Variants in TRPS1 observed in about 807,000 individuals in gnomAD.
TRPS1 encodes the protein transcriptional repressor GATA binding 1, also known as zinc finger transcription factor Trps1.
In TRPS1, 6 loss-of-function variants were observed where a neutral mutation model predicts 101.2. The ratio of observed to expected loss-of-function variants is 0.06; its 90% confidence interval spans 0.03 to 0.12. The LOEUF (loss-of-function observed/expected upper bound fraction) is 0.12, where lower values mean the gene tolerates loss of function less well. Among genes scored for constraint, TRPS1 ranks in the 10% least tolerant of loss-of-function variants. The pLI is 1.00. For missense variants in TRPS1, 1,363 were observed against 1,567.0 expected, an observed-to-expected ratio of 0.87 and a Z score of 2.20; for synonymous variants, 578 against 589.8, an observed-to-expected ratio of 0.98 and a Z score of 0.29.
intron 1 of TRPS1, among the ~76,000 whole-genome samples, chr8:115,657,915 A>G (rs1485207030): frequency 6.6e-6 from 1 of 152,134 alleles, no homozygotes; most frequent in Non-Finnish European, 1.5e-5. Context: ...AAAGTTATAA[A>G]GAAAGGTAGG....
At chr8:115,557,306 A>T (rs1314141636) in intron 5 of TRPS1, among the ~76,000 whole-genome samples, 2 of 152,102 alleles carry the variant, frequency 1.3e-5, no homozygotes, top group Non-Finnish European at 2.9e-5. Context: ...TCTCATCCTC[A>T]TATGTCTCAA....
chr8:115,442,818 G>A (rs918123430), intron 5 of TRPS1, among the ~76,000 whole-genome samples: 16 of 151,812 alleles, frequency 1.1e-4, no homozygotes, highest in African/African-American at 2.9e-4. Context: ...AAGGCCAGGC[G>A]CGGTGGCTCA....
chr8:115,454,554 C>T (rs1188729698), intron 5 of TRPS1, among the ~76,000 whole-genome samples: 8 of 152,120 alleles, frequency 5.3e-5, no homozygotes, highest in Admixed American at 3.3e-4. Context: ...TGATTAATCT[C>T]AATCTGATGT....
intron 5 of TRPS1, among the ~76,000 whole-genome samples, chr8:115,501,089 G>T (rs1363901864): frequency 6.6e-6 from 1 of 151,996 alleles, no homozygotes; most frequent in Non-Finnish European, 1.5e-5. Flanking sequence ...TGTTTTCAGT[G>T]GTCCCCACTA....
intron 5 of TRPS1, among the ~76,000 whole-genome samples, chr8:115,496,645 T>A (rs1306699959): frequency 6.6e-6 from 1 of 152,200 alleles, no homozygotes; most frequent in Non-Finnish European, 1.5e-5. Context: ...ATTTACTGGT[T>A]ATTTCAATTC....
chr8:115,470,777 C>T (rs1435898530), intron 5 of TRPS1, among the ~76,000 whole-genome samples: 1 of 152,120 alleles, frequency 6.6e-6, no homozygotes, highest in Admixed American at 6.5e-5. Flanking sequence ...TTCATATTCT[C>T]TATGCCACAA....
chr8:115,603,058 A>ATG (rs1817944854), intron 4 of TRPS1, among the ~76,000 whole-genome samples: 1 of 152,114 alleles, frequency 6.6e-6, no homozygotes, highest in Non-Finnish European at 1.5e-5. Context: ...GGCACTGACT[A>ATG]TGTCTTCTCT....
rs1218323432 is a variant in TRPS1, at chr8:115,642,855, T to A, written c.-121-19097A>T. Among the ~76,000 whole-genome samples, 492 of 133,872 alleles carry A rather than the reference T, an allele frequency of 3.7e-3. 2 individuals carry two copies. Among genetic ancestry groups the A allele is most frequent in the African/African-American group, 8.0e-3 (285 of 35,600 alleles). The allele number at this position is 133,872 out of a possible 152,430, so 87.8% of individuals were successfully genotyped here. ...TGCTTACTTCGTGAAAAAAAATATA[T>A]ATATATATAAATATATATATTTAAC... is the stretch of plus-strand genomic sequence containing the variant. On this transcript the variant is annotated intron_variant, in intron 1 of 6. Coordinates refer to ENST00000395715, the MANE Select transcript of TRPS1 (RefSeq NM_014112.5).
intron 5 of TRPS1, among the ~76,000 whole-genome samples, chr8:115,564,480 T>C (rs1052992003): frequency 4.6e-5 from 7 of 152,014 alleles, no homozygotes; most frequent in East Asian, 3.9e-4. Flanking sequence ...ATACAAACGA[T>C]TGAAGCAAAA....
At chr8:115,575,098 T>C (rs1383833237) in intron 5 of TRPS1, among the ~76,000 whole-genome samples, 2 of 152,098 alleles carry the variant, frequency 1.3e-5, no homozygotes, top group South Asian at 2.1e-4. Context: ...AGCCTGACTG[T>C]TGGGACGCCA....
intron 3 of TRPS1, among the ~76,000 whole-genome samples, chr8:115,607,001 T>C (rs1818053292): frequency 6.6e-6 from 1 of 152,056 alleles, no homozygotes; most frequent in Non-Finnish European, 1.5e-5. Context: ...ACATTGCATC[T>C]GCCTTGCCAA....
At chr8:115,478,405 T>TA (rs1378726753) in intron 5 of TRPS1, among the ~76,000 whole-genome samples, 1 of 152,204 alleles carries the variant, frequency 6.6e-6, no homozygotes, top group Non-Finnish European at 1.5e-5. Flanking sequence ...CTATAAGTAT[T>TA]ACTAGCCTTT....
At chr8:115,645,075 C>T (rs1818993620) in intron 1 of TRPS1, among the ~76,000 whole-genome samples, 1 of 151,978 alleles carries the variant, frequency 6.6e-6, no homozygotes, top group African/African-American at 2.4e-5. Flanking sequence ...GACAAAGAGA[C>T]ATAAGGTAAA....
At chr8:115,538,843 G>A (rs1816384058) in intron 5 of TRPS1, among the ~76,000 whole-genome samples, 1 of 152,172 alleles carries the variant, frequency 6.6e-6, no homozygotes, top group Non-Finnish European at 1.5e-5. Context: ...TACTGAGCCA[G>A]TAAGAGGTTA....
chr8:115,591,646 G>A (rs926308561), intron 4 of TRPS1, among the ~76,000 whole-genome samples: 2 of 152,096 alleles, frequency 1.3e-5, no homozygotes, highest in African/African-American at 2.4e-5. Flanking sequence ...AGGCAAAACC[G>A]CCCATGGTAC....
chr8:115,514,462 A>G (rs1216623543), intron 5 of TRPS1, among the ~76,000 whole-genome samples: 2 of 151,686 alleles, frequency 1.3e-5, no homozygotes, highest in Admixed American at 1.3e-4. Context: ...AAAGGCATAT[A>G]TTCGTTTTAT....
rs889029505 is a variant in TRPS1 at position 115,438,778 on chromosome 8, C to A, written c.2701-20326G>T. 8.5e-5 allele frequency among the ~76,000 whole-genome samples: 13 copies of A among 152,242 alleles called. No individual in the cohort carries two copies. The East Asian group carries it at 2.5e-3, about 29-fold the overall frequency. ...CTCCCTCTCCCTCCCTTGTTCCATT[C>A]CCCTTTTCTGCTTTGTTTCATTCTT... On this transcript the variant is annotated intron_variant, in intron 5 of 6. Coordinates refer to ENST00000395715, the MANE Select transcript of TRPS1 (RefSeq NM_014112.5).
chr8:115,614,948 T>C (rs2721933), intron 3 of TRPS1, among the ~76,000 whole-genome samples: 82,817 of 151,992 alleles, frequency 0.54, 23,781 homozygotes, highest in East Asian at 0.84. Context: ...TACAATTAAA[T>C]CTGTTGAAAA....
At chr8:115,440,632 G>A (rs1057237885) in intron 5 of TRPS1, among the ~76,000 whole-genome samples, 1 of 152,096 alleles carries the variant, frequency 6.6e-6, no homozygotes, top group Non-Finnish European at 1.5e-5. Context: ...CCTTGCCAAG[G>A]TTTCAGCAAT....
Sources: gnomAD v4.1 joint callset for allele counts (sites outside exome capture counted in the v4.1 genomes callset) on GRCh38, gnomAD v4.1.1 for gene constraint, MANE v1.5 for transcripts, NCBI Gene and HGNC (gene_info 2026-07-23, HGNC 2026-07-21) for gene names.